Variants in INPP4B observed in about 807,000 individuals in gnomAD.
INPP4B encodes inositol polyphosphate 4-phosphatase type II.
Under a neutral mutation model 122.5 loss-of-function variants are expected in INPP4B, and 55 were observed. The ratio of observed to expected loss-of-function variants is 0.45; its 90% CI spans 0.36 to 0.56. INPP4B has a LOEUF of 0.56. INPP4B is among the 20% of genes least tolerant of loss of function. The probability of loss-of-function intolerance (pLI) is 0.00; values close to 1 mark genes in which losing one functional copy is unlikely to be tolerated. For synonymous variants in INPP4B, 403 were observed against 388.7 expected (o/e 1.04, Z -0.43); for missense variants, 1,000 against 1,097.7 (o/e 0.91, Z 1.26).
At chr4:142,304,578 A>G (rs920817224) in intron 9 of INPP4B, among the ~76,000 whole-genome samples, 1 of 152,128 alleles carries the variant, frequency 6.6e-6, no homozygotes, top group African/African-American at 2.4e-5. Flanking sequence ...ACTGAAATAA[A>G]TTGTTGGTTA....
At chr4:142,692,355 T>C (rs1022506910) in intron 2 of INPP4B, among the ~76,000 whole-genome samples, 5 of 152,170 alleles carry the variant, frequency 3.3e-5, no homozygotes, top group African/African-American at 1.2e-4. Flanking sequence ...ATTTTCCACC[T>C]TCTATTTGCC....
At chr4:142,700,843 C>A (rs1284126236) in intron 2 of INPP4B, among the ~76,000 whole-genome samples, 1 of 151,768 alleles carries the variant, frequency 6.6e-6, no homozygotes, top group Non-Finnish European at 1.5e-5. Flanking sequence ...CTATCTGGGC[C>A]AAGGATTATT....
intron 2 of INPP4B, among the ~76,000 whole-genome samples, chr4:142,481,260 A>G (rs1820507434): frequency 6.6e-6 from 1 of 151,832 alleles, no homozygotes; most frequent in Non-Finnish European, 1.5e-5. Flanking sequence ...AGAAAAAGGG[A>G]GAGGTAGAAG....
chr4:142,077,437 T>G (rs774612191), intron 25 of INPP4B, among the ~76,000 whole-genome samples: 1 of 152,036 alleles, frequency 6.6e-6, no homozygotes, highest in Non-Finnish European at 1.5e-5. Context: ...ATTTACTTTA[T>G]AGAGGCATTA....
Position 142,819,052 on chromosome 4 carries a change from C to G in INPP4B, c.-254+27157G>C, listed in dbSNP as rs1030256096. Among the ~76,000 whole-genome samples, 29 of 152,200 alleles carry G rather than the reference C, an allele frequency of 1.9e-4. 1 individual carries two copies. Among genetic ancestry groups the G allele is most frequent in the African/African-American group, 6.0e-4 (25 of 41,522 alleles). The stretch of plus-strand genomic sequence containing the variant: ...TGAGAGATGAAGGACTCCAGTCATG[C>G]GTTGTGTGCTGGGATTACTCTTTAG... On this transcript the variant is annotated intron_variant, in intron 1 of 25. Coordinates refer to ENST00000262992, the MANE Select transcript of INPP4B (RefSeq NM_001101669.3).
At chr4:142,830,720 A>C (rs2151181510) in intron 1 of INPP4B, among the ~76,000 whole-genome samples, 1 of 152,130 alleles carries the variant, frequency 6.6e-6, no homozygotes, top group Middle Eastern at 3.4e-3. Context: ...GAATGGCAAC[A>C]AGAGTCAAGA....
chr4:142,572,859 TAC>T (rs1733110552), intron 2 of INPP4B, among the ~76,000 whole-genome samples: 1 of 151,240 alleles, frequency 6.6e-6, no homozygotes. Context: ...TAGATGTGAA[TAC>T]ATATACATAT....
chr4:142,602,509 A>G (rs1740252860), intron 2 of INPP4B, among the ~76,000 whole-genome samples: 1 of 152,202 alleles, frequency 6.6e-6, no homozygotes, highest in Admixed American at 6.6e-5. Flanking sequence ...AATTTAAACA[A>G]ATTTACAAGA....
chr4:142,061,159 C>T (rs28750087), intron 25 of INPP4B, among the ~76,000 whole-genome samples: 3,884 of 152,206 alleles, frequency 0.026, 186 homozygotes, highest in African/African-American at 0.089. Context: ...CAGATTTCAG[C>T]TTAACAAGAA....
At chr4:142,705,458 A>AACACACAC (rs56300337) in intron 2 of INPP4B, among the ~76,000 whole-genome samples, 3,578 of 146,174 alleles carry the variant, frequency 0.024, 146 homozygotes, top group African/African-American at 0.085. Flanking sequence ...TCCCACCCCA[A>AACACACAC]ACACACACAC....
intron 1 of INPP4B, among the ~76,000 whole-genome samples, chr4:142,763,342 C>T (rs1454712859): frequency 6.6e-6 from 1 of 152,126 alleles, no homozygotes. Flanking sequence ...ACACATTTTA[C>T]TGATGAAATT....
chr4:142,799,163 T>A (rs1357611140), intron 1 of INPP4B, among the ~76,000 whole-genome samples: 2 of 151,966 alleles, frequency 1.3e-5, no homozygotes, highest in Non-Finnish European at 2.9e-5. Flanking sequence ...TTAAAAGCTT[T>A]AAGACTAACA....
chr4:142,305,631 G>T (rs2636640), intron 8 of INPP4B, 94 bp from the exon 9 acceptor site: 1 of 1,505,520 alleles, frequency 6.6e-7, no homozygotes, highest in Non-Finnish European at 9.0e-7. Flanking sequence ...TTAGAAGAAT[G>T]AAATATTAAA....
intron 2 of INPP4B, among the ~76,000 whole-genome samples, chr4:142,618,222 GA>G (rs138548089): frequency 1.2e-4 from 18 of 147,794 alleles, no homozygotes; most frequent in South Asian, 4.3e-4. Context: ...TACTGAAATA[GA>G]AAAAAAAAAT....
Position 142,278,688 on chromosome 4 carries a change from T to C in INPP4B, c.504-7914A>G, listed in dbSNP as rs182294057. Among the ~76,000 whole-genome samples, 13 of 151,896 alleles carry C rather than the reference T, an allele frequency of 8.6e-5. No individual in the cohort carries two copies. The East Asian group carries it at 2.3e-3, about 27-fold the overall frequency. On this transcript the variant is annotated intron_variant, in intron 9 of 25. Transcript: ENST00000262992. Reference sequence around the variant, plus strand: ...AGTAGGTAAATAAACCCAAGCTTACTGGTTGGAGGATCAAAAAGGGAAGCC... The same window carrying C: ...AGTAGGTAAATAAACCCAAGCTTACCGGTTGGAGGATCAAAAAGGGAAGCC...
At chr4:142,565,961 C>G (rs1038425881) in intron 2 of INPP4B, 9 of 152,128 alleles carry the variant, frequency 5.9e-5, no homozygotes, top group African/African-American at 2.2e-4. Context: ...ATAAGAGACA[C>G]ACCAACGTAC....
intron 1 of INPP4B, among the ~76,000 whole-genome samples, chr4:142,828,255 A>G (rs1371264126): frequency 6.6e-6 from 1 of 152,174 alleles, no homozygotes; most frequent in Non-Finnish European, 1.5e-5. Flanking sequence ...ATATGAGAAT[A>G]GATATTAAGG....
chr4:142,605,311 A>T (rs988914335), intron 2 of INPP4B, among the ~76,000 whole-genome samples: 30 of 152,090 alleles, frequency 2.0e-4, no homozygotes, highest in Non-Finnish European at 1.9e-4. Flanking sequence ...AACTAGAAGA[A>T]ACTGTAAAAC....
At chr4:142,589,274 T>A (rs1736917708) in intron 2 of INPP4B, among the ~76,000 whole-genome samples, 2 of 152,022 alleles carry the variant, frequency 1.3e-5, no homozygotes. Flanking sequence ...AAGTTCAAGC[T>A]GTGAAATAAA....
Sources: allele counts gnomAD v4.1 joint callset (sites outside exome capture counted in the v4.1 genomes callset), GRCh38; gene constraint gnomAD v4.1.1; transcripts MANE v1.5; gene names NCBI Gene and HGNC (gene_info 2026-07-23, HGNC 2026-07-21).